The following CRB1 variants were observed in gnomAD, a reference collection of about 807,000 sequenced individuals.
CRB1 encodes the protein crumbs cell polarity complex component 1.
In CRB1, 83 loss-of-function variants were observed where a neutral mutation model predicts 120.0. The ratio of observed to expected loss-of-function variants is 0.69; its 90% confidence interval spans 0.58 to 0.83. The LOEUF is 0.83. Among genes scored for constraint, CRB1 ranks in the 40% least tolerant of loss-of-function variants. The pLI, the probability that CRB1 is intolerant of heterozygous loss-of-function variation, is 0.00. For missense variants in CRB1, 1,699 were observed against 1,687.6 expected, an observed-to-expected ratio of 1.01 and a Z score of -0.12; for synonymous variants, 625 against 612.5, an observed-to-expected ratio of 1.02 and a Z score of -0.30.
intron 5 of CRB1, among the ~76,000 whole-genome samples, chr1:197,399,346 T>A (rs1349126890): frequency 6.6e-6 from 1 of 152,150 alleles, no homozygotes; most frequent in Admixed American, 6.5e-5. Flanking sequence ...AACATGAGTG[T>A]TTTTTACAGT....
chr1:197,209,467 T>C, the CRB1 span, among the ~76,000 whole-genome samples: 2 of 152,180 alleles, frequency 1.3e-5, no homozygotes, highest in Admixed American at 6.5e-5. Flanking sequence ...TGCCTTAGCC[T>C]CCTGAGTAGC....
At chr1:197,430,454 C>T (rs1033639792) in intron 8 of CRB1, among the ~76,000 whole-genome samples, 9 of 152,144 alleles carry the variant, frequency 5.9e-5, no homozygotes, top group Admixed American at 2.0e-4. Flanking sequence ...CTACCAGTTA[C>T]CATCCCATTT....
chr1:197,453,532 A>ATG (rs1258328539), intron 11 of CRB1, among the ~76,000 whole-genome samples: 4 of 64,404 alleles, frequency 6.2e-5, no homozygotes, highest in African/African-American at 7.7e-5. Flanking sequence ...GTGTATATAT[A>ATG]TATATATAGA....
intron 5 of CRB1, among the ~76,000 whole-genome samples, chr1:197,380,794 T>A (rs1303357571): frequency 6.6e-6 from 1 of 152,240 alleles, no homozygotes; most frequent in African/African-American, 2.4e-5. Flanking sequence ...TAGTTGGCTC[T>A]TGTGTGCTTT....
At chr1:197,364,789 G>T (rs1333620827) in intron 5 of CRB1, among the ~76,000 whole-genome samples, 1 of 151,828 alleles carries the variant, frequency 6.6e-6, no homozygotes, top group Non-Finnish European at 1.5e-5. Context: ...CTTCATCTCA[G>T]GAGAATTTGT....
chr1:197,340,910 G>C (rs1363199874), intron 2 of CRB1, among the ~76,000 whole-genome samples: 5 of 152,190 alleles, frequency 3.3e-5, no homozygotes, highest in Non-Finnish European at 7.3e-5. Flanking sequence ...TTAACTCACA[G>C]TTCCACATGG....
At chr1:197,402,524 A>G (rs920011180) in intron 5 of CRB1, among the ~76,000 whole-genome samples, 4 of 152,190 alleles carry the variant, frequency 2.6e-5, no homozygotes, top group African/African-American at 9.7e-5. Flanking sequence ...ATAGTCATCC[A>G]TTTTAATATG....
chr1:197,433,640 T>C (rs1361691498), intron 8 of CRB1, among the ~76,000 whole-genome samples: 1 of 152,174 alleles, frequency 6.6e-6, no homozygotes, highest in East Asian at 1.9e-4. Flanking sequence ...GGATACTGTT[T>C]CGTGTGTATT....
At chr1:197,407,998 C>T (rs1319220479) in intron 5 of CRB1, among the ~76,000 whole-genome samples, 1 of 152,104 alleles carries the variant, frequency 6.6e-6, no homozygotes, top group African/African-American at 2.4e-5. Context: ...TCACACATTT[C>T]ATCAAGATAT....
chr1:197,371,849 T>G (rs1217769007), intron 5 of CRB1, among the ~76,000 whole-genome samples: 1 of 152,108 alleles, frequency 6.6e-6, no homozygotes, highest in Non-Finnish European at 1.5e-5. Flanking sequence ...GAGACATTAC[T>G]TCATTCTTCA....
At position 197,421,017 on chromosome 1, in the gene CRB1, G is replaced by A; in HGVS notation, c.1189G>A (p.Asp397Asn). ...PGFTGIHCEE[D>N]VNECSSNPCQ... is the part of the protein sequence containing the mutation. ...TTTAACAGGAATCCACTGCGAAGAAGACGTCAATGAATGTTCTTCAAACCC... is the reference window on the plus strand; with the variant it reads ...TTTAACAGGAATCCACTGCGAAGAAAACGTCAATGAATGTTCTTCAAACCC... The change falls in exon 6 of 12, where the codon GAC becomes AAC. Residue 397 changes from aspartate to asparagine, a missense_variant. Physicochemically the swap from Asp to Asn is conservative, Grantham distance 23. Transcript: ENST00000367400. 1 of 1,599,386 alleles carries A rather than the reference G, an allele frequency of 6.3e-7. No individual in the cohort carries two copies. Among genetic ancestry groups the A allele is most frequent in the Non-Finnish European group, 8.6e-7 (1 of 1,166,612 alleles).
the CRB1 span, among the ~76,000 whole-genome samples, chr1:197,212,424 C>G: frequency 6.7e-6 from 1 of 149,620 alleles, no homozygotes; most frequent in South Asian, 2.1e-4. Flanking sequence ...TAATAAAATA[C>G]TACTACTACC....
chr1:197,335,984 C>G (rs192544887), intron 2 of CRB1, among the ~76,000 whole-genome samples: 10 of 152,334 alleles, frequency 6.6e-5, no homozygotes, highest in Non-Finnish European at 1.3e-4. Flanking sequence ...TTAGAATATT[C>G]TAACAAGAAT....
At chr1:197,436,927 TACA>T (rs1253806972) in intron 9 of CRB1, among the ~76,000 whole-genome samples, 2 of 152,188 alleles carry the variant, frequency 1.3e-5, no homozygotes, top group African/African-American at 4.8e-5. Flanking sequence ...CACATTTTTC[TACA>T]ACTACAAAAG....
chr1:197,208,361 G>A, the CRB1 span, among the ~76,000 whole-genome samples: 2 of 152,182 alleles, frequency 1.3e-5, no homozygotes, highest in Non-Finnish European at 2.9e-5. Flanking sequence ...ATGTTAGAGA[G>A]AAGATCTGGG....
intron 1 of CRB1, among the ~76,000 whole-genome samples, chr1:197,282,966 A>C (rs987161994): frequency 6.6e-6 from 1 of 151,832 alleles, no homozygotes; most frequent in Non-Finnish European, 1.5e-5. Context: ...CCCAGGAATA[A>C]AGCTAGTGAA....
At chr1:197,271,614 C>T (rs1368429506) in intron 1 of CRB1, among the ~76,000 whole-genome samples, 1 of 152,154 alleles carries the variant, frequency 6.6e-6, no homozygotes, top group African/African-American at 2.4e-5. Flanking sequence ...TCAAGAAGAG[C>T]TATTATTTTT....
At chr1:197,359,962 T>C (rs146461528) in intron 5 of CRB1, among the ~76,000 whole-genome samples, 341 of 152,326 alleles carry the variant, frequency 2.2e-3, no homozygotes, top group African/African-American at 7.8e-3. Flanking sequence ...TTTTTTTAAC[T>C]GTTGAGTAAT....
At chr1:197,249,612 TG>T in the CRB1 span, among the ~76,000 whole-genome samples, 1 of 152,008 alleles carries the variant, frequency 6.6e-6, no homozygotes. Context: ...TTTTATTTCC[TG>T]GCACCCTGGA....
Sources: allele counts gnomAD v4.1 joint callset (sites outside exome capture counted in the v4.1 genomes callset), GRCh38; gene constraint gnomAD v4.1.1; transcripts MANE v1.5; gene names NCBI Gene and HGNC (gene_info 2026-07-23, HGNC 2026-07-21).